The following OBI1 variants were observed in gnomAD, a reference collection of about 807,000 sequenced individuals.
OBI1 encodes the protein ORC ubiquitin ligase 1.
In OBI1, 59 loss-of-function variants were observed where a neutral mutation model predicts 62.4. The observed-to-expected ratio is 0.95, with a 90% CI of 0.77 to 1.17. OBI1 has a LOEUF of 1.17. Ranked by LOEUF, OBI1 falls within the 50% of genes most tolerant of loss-of-function variation. OBI1 has a pLI of 0.00. For missense variants in OBI1, 875 were observed against 830.9 expected (o/e 1.05, Z -0.65); for synonymous variants, 302 against 292.8 (o/e 1.03, Z -0.32).
At chr13:78,627,601 T>C (rs6563052) in intron 5 of OBI1, among the ~76,000 whole-genome samples, 39,481 of 152,152 alleles carry the variant, frequency 0.26, 5,462 homozygotes, top group East Asian at 0.32. Context: ...CCAAAGGACA[T>C]GATCTCATTC....
chr13:78,631,346 G>A (rs916628791), intron 5 of OBI1, among the ~76,000 whole-genome samples: 1 of 152,120 alleles, frequency 6.6e-6, no homozygotes, highest in Non-Finnish European at 1.5e-5. Flanking sequence ...GAAAGTACAA[G>A]TAATAAGAAA....
chr13:78,617,546 T>C (rs1054172332), intron 5 of OBI1, among the ~76,000 whole-genome samples: 3 of 152,222 alleles, frequency 2.0e-5, no homozygotes, highest in Non-Finnish European at 4.4e-5. Flanking sequence ...CATACAGCAG[T>C]GTTTTACAAT....
At chr13:78,634,975 G>C in intron 5 of OBI1, 135 bp downstream of exon 5, 1 of 520,552 alleles carries the variant, frequency 1.9e-6, no homozygotes, top group Non-Finnish European at 3.4e-6. Flanking sequence ...GTATAAACTT[G>C]ACTTTTAAAG....
chr13:78,656,570 G>A (rs554666331), intron 1 of OBI1, among the ~76,000 whole-genome samples: 9 of 150,666 alleles, frequency 6.0e-5, no homozygotes, highest in African/African-American at 1.9e-4. Flanking sequence ...CAACAAGAGC[G>A]AAACTCCGTC....
chr13:78,644,725 C>T, intron 2 of OBI1, 137 bp downstream of exon 2: 1 of 938,994 alleles, frequency 1.1e-6, no homozygotes, highest in Admixed American at 1.9e-5. Context: ...ATACATTACA[C>T]AAATTACTCA....
chr13:78,631,277 A>G (rs9574267), intron 5 of OBI1, among the ~76,000 whole-genome samples: 13,276 of 152,208 alleles, frequency 0.087, 1,035 homozygotes, highest in East Asian at 0.36. Flanking sequence ...CAAACAGAAC[A>G]AAGTCATAAA....
intron 1 of OBI1, among the ~76,000 whole-genome samples, chr13:78,650,801 T>C (rs1465233361): frequency 6.6e-6 from 1 of 150,898 alleles, no homozygotes; most frequent in Non-Finnish European, 1.5e-5. Flanking sequence ...CGACTACATA[T>C]AAGGATCCTG....
At chr13:78,650,528 GTCA>G (rs1876515573) in intron 1 of OBI1, among the ~76,000 whole-genome samples, 1 of 152,114 alleles carries the variant, frequency 6.6e-6, no homozygotes, top group African/African-American at 2.4e-5. Context: ...TGTAACTGGA[GTCA>G]GTAAGTGGCA....
At chr13:78,653,298 A>G (rs1218114701) in intron 1 of OBI1, among the ~76,000 whole-genome samples, 1 of 152,244 alleles carries the variant, frequency 6.6e-6, no homozygotes, top group Non-Finnish European at 1.5e-5. Context: ...TGCCAGTAGC[A>G]GCCCCTTGAA....
intron 1 of OBI1, among the ~76,000 whole-genome samples, chr13:78,645,311 G>C (rs1876347729): frequency 6.6e-6 from 1 of 152,104 alleles, no homozygotes; most frequent in Admixed American, 6.5e-5. Flanking sequence ...GGACAATTTT[G>C]CTCAAACTCT....
At chr13:78,628,613 C>A (rs1176915117) in intron 5 of OBI1, among the ~76,000 whole-genome samples, 2 of 152,184 alleles carry the variant, frequency 1.3e-5, no homozygotes. Flanking sequence ...CAGATGCAGA[C>A]TAGCCAGTGA....
chr13:78,632,155 A>C (rs185930445), intron 5 of OBI1, among the ~76,000 whole-genome samples: 107 of 152,232 alleles, frequency 7.0e-4, no homozygotes, highest in Non-Finnish European at 1.4e-3. Flanking sequence ...GAAGCAATTA[A>C]GGCTAAATGA....
Position 78,638,987 on chromosome 13 carries a change from C to G in OBI1, c.385G>C (p.Asp129His). Reference sequence around the variant, plus strand: ...TTGCCCTGCACCAAGGTTAAAGGATCCAGAATAGTTTTGATCTGTGACTCC... The same window carrying G: ...TTGCCCTGCACCAAGGTTAAAGGATGCAGAATAGTTTTGATCTGTGACTCC... ...SLESQIKTIL[D>H]PLTLVQGNQN... Residue 129 changes from aspartate (D) to histidine (H), a missense_variant, in exon 4 of 6, where the codon GAT (aspartate) becomes CAT (histidine). Coordinates refer to ENST00000282003, the MANE Select transcript of OBI1 (RefSeq NM_024546.4). 6.2e-7 allele frequency: 1 copy of G among 1,613,908 alleles called. No homozygotes were observed. Among genetic ancestry groups the G allele is most frequent in the Non-Finnish European group, 8.5e-7 (1 of 1,179,922 alleles).
At chr13:78,622,805 T>C (rs537189504) in intron 5 of OBI1, among the ~76,000 whole-genome samples, 2 of 152,298 alleles carry the variant, frequency 1.3e-5, no homozygotes, top group South Asian at 2.1e-4. Context: ...GAAAAGGTCC[T>C]GGTACTGGTA....
intron 5 of OBI1, among the ~76,000 whole-genome samples, chr13:78,623,539 G>A (rs1210229728): frequency 6.6e-6 from 1 of 152,124 alleles, no homozygotes; most frequent in East Asian, 1.9e-4. Flanking sequence ...CTTAAAAGGG[G>A]CTTAGCAGCA....
At chr13:78,643,416 G>C (rs919606706) in intron 2 of OBI1, among the ~76,000 whole-genome samples, 1 of 152,244 alleles carries the variant, frequency 6.6e-6, no homozygotes, top group Admixed American at 6.5e-5. Flanking sequence ...CTCTGATTGC[G>C]CCTTCAGATC....
At chr13:78,632,697 T>C (rs992591146) in intron 5 of OBI1, among the ~76,000 whole-genome samples, 4 of 152,188 alleles carry the variant, frequency 2.6e-5, no homozygotes, top group Non-Finnish European at 5.9e-5. Flanking sequence ...GTGAACCAGA[T>C]CTGGGTATTT....
At chr13:78,628,716 G>C (rs980285381) in intron 5 of OBI1, among the ~76,000 whole-genome samples, 1 of 152,146 alleles carries the variant, frequency 6.6e-6, no homozygotes, top group Admixed American at 6.5e-5. Flanking sequence ...ACAGTTTTGA[G>C]TATGGTGAAA....
chr13:78,631,444 A>C (rs1215531709), intron 5 of OBI1, among the ~76,000 whole-genome samples: 1 of 152,104 alleles, frequency 6.6e-6, no homozygotes, highest in Admixed American at 6.5e-5. Flanking sequence ...AGTAAGAAAA[A>C]ATTCATTATT....
Sources: gnomAD v4.1 joint callset for allele counts (sites outside exome capture counted in the v4.1 genomes callset) on GRCh38, gnomAD v4.1.1 for gene constraint, MANE v1.5 for transcripts, NCBI Gene and HGNC (gene_info 2026-07-23, HGNC 2026-07-21) for gene names.